The following C3orf62 variants were observed in gnomAD, a reference collection of about 807,000 sequenced individuals.
The protein encoded by C3orf62 is chromosome 3 open reading frame 62, also known as uncharacterized protein C3orf62.
A neutral mutation model predicts 21.7 loss-of-function variants in C3orf62; 16 were observed. The ratio of observed to expected loss-of-function variants is 0.74; its 90% CI spans 0.50 to 1.12. The LOEUF is 1.12. Ranked by LOEUF, C3orf62 falls within the 50% of genes most tolerant of loss-of-function variation. C3orf62 has a pLI of 0.00. For synonymous variants in C3orf62, 114 were observed against 117.0 expected (o/e 0.97, Z 0.17); for missense variants, 310 against 318.8 (o/e 0.97, Z 0.21).
chr3:49,269,697 C>G lies in C3orf62; in HGVS notation c.*1483G>C, dbSNP rs912605116. On this transcript the variant is annotated 3_prime_UTR_variant, in exon 3 of 3. Coordinates refer to ENST00000343010, the MANE Select transcript of C3orf62 (RefSeq NM_198562.3). ...ACTCCTGCCCCAGGCAGGGCAGTGG[C>G]AGTGGCCACAACTGGTTGGGAACCA... The G allele has an allele frequency of 3.9e-5, 6 of 152,292 alleles. No homozygotes were observed. Among genetic ancestry groups the G allele is most frequent in the African/African-American group, 1.2e-4 (5 of 41,464 alleles). The allele number at this position is 152,292 out of a possible 1,614,324, so 9.4% of individuals were successfully genotyped here. A position where few individuals can be genotyped will look rare whatever the true frequency, so the allele number is the denominator to read the frequency against.
In C3orf62 at chr3:49,276,904, C is replaced by T. The variant is rs749286864; in HGVS notation, c.-32G>A. On this transcript the variant is annotated 5_prime_UTR_variant, in exon 1 of 3. Coordinates refer to ENST00000343010, the MANE Select transcript of C3orf62 (RefSeq NM_198562.3). ...TGCACAGGACAACACAATAATGTTA[C>T]AAATGAGGCTGCAAACTACCCCTGA... 8 of 1,578,342 alleles carry T rather than the reference C, an allele frequency of 5.1e-6. No individual in the cohort carries two copies. Among genetic ancestry groups the T allele is most frequent in the Non-Finnish European group, 6.9e-6 (8 of 1,162,058 alleles).
intron 1 of C3orf62, among the ~76,000 whole-genome samples, chr3:49,274,726 ATGT>A (rs2046939065): frequency 6.6e-6 from 1 of 151,250 alleles, no homozygotes; most frequent in African/African-American, 2.4e-5. Context: ...GGGTTTCACC[ATGT>A]TGGCCAGGCT....
chr3:49,275,677 C>T (rs950164976), intron 1 of C3orf62, among the ~76,000 whole-genome samples: 2 of 151,300 alleles, frequency 1.3e-5, no homozygotes, highest in Non-Finnish European at 2.9e-5. Context: ...ACTACAGGCG[C>T]CCGCCACCAC....
rs534146492 is a variant in C3orf62, at chr3:49,270,589, T to A, written c.*591A>T. 6.5e-6 allele frequency: 1 copy of A among 152,764 alleles called. No individual in the cohort carries two copies. Among genetic ancestry groups the A allele is most frequent in the Non-Finnish European group, 1.5e-5 (1 of 68,452 alleles). The allele number at this position is 152,764 out of a possible 1,614,324, so 9.5% of individuals were successfully genotyped here. ...CTCAGGATGGAGGGGAGCGGTGCCA[T>A]CTCGGCTCATTGCAACCTCCGCCTC... is the stretch of plus-strand genomic sequence containing the variant. On this transcript the variant is annotated 3_prime_UTR_variant, in exon 3 of 3. Coordinates refer to ENST00000343010, the MANE Select transcript of C3orf62 (RefSeq NM_198562.3).
intron 2 of C3orf62, 69 bp from the exon 3 acceptor site, chr3:49,271,514 T>C: frequency 1.3e-6 from 2 of 1,524,844 alleles, no homozygotes; most frequent in Non-Finnish European, 1.8e-6. Context: ...AGGTGCAAGT[T>C]AAAAACCATG....
Position 49,270,952 on chromosome 3 carries a change from G to C in C3orf62, c.*228C>G. ...AAAAAAACACATTCAAGATGTCAAGGAAAGTTAAAAAAAAAAATCAGTAAT... is the reference window on the plus strand; with the variant it reads ...AAAAAAACACATTCAAGATGTCAAGCAAAGTTAAAAAAAAAAATCAGTAAT... On this transcript the variant is annotated 3_prime_UTR_variant, in exon 3 of 3. Transcript: ENST00000343010. 3.7e-6 allele frequency: 2 copies of C among 539,444 alleles called. No individual in the cohort carries two copies. Among genetic ancestry groups the C allele is most frequent in the Non-Finnish European group, 6.5e-6 (2 of 307,474 alleles). 33.4% of individuals were successfully genotyped at this position (539,444 alleles called of 1,614,324 possible). A position where few individuals can be genotyped will look rare whatever the true frequency, so the allele number is the denominator to read the frequency against.
chr3:49,276,305 T>C (rs2046959161), intron 1 of C3orf62, 122 bp downstream of exon 1: 1 of 907,782 alleles, frequency 1.1e-6, no homozygotes, highest in African/African-American at 1.7e-5. Flanking sequence ...CCAAATGCAG[T>C]CACAGAGCTG....
chr3:49,270,036 TAGTG>T lies in C3orf62; in HGVS notation c.*1140_*1143del. The T allele has an allele frequency of 6.6e-6, 1 of 152,238 alleles. No homozygotes were observed. The highest frequency in any genetic ancestry group is 6.5e-5 in the Admixed American group (1 of 15,282). The allele number at this position is 152,238 out of a possible 1,614,324, so 9.4% of individuals were successfully genotyped here. On this transcript the variant is annotated 3_prime_UTR_variant, in exon 3 of 3. Transcript: ENST00000343010. ...TAAACAGCCCTGGCTGGTCCAAAGG[TAGTG>T]AGTTATCTCAATCGACTACTCACAG...
intron 1 of C3orf62, 189 bp from the exon 2 acceptor site, chr3:49,274,329 CATA>C (rs1226623957): frequency 5.3e-6 from 3 of 566,728 alleles, no homozygotes; most frequent in African/African-American, 3.8e-5. Flanking sequence ...ACAGCTTTAC[CATA>C]ATGACTCACG....
intron 1 of C3orf62, among the ~76,000 whole-genome samples, chr3:49,275,535 T>TTG (rs2046949734): frequency 8.1e-6 from 1 of 124,222 alleles, no homozygotes; most frequent in South Asian, 3.0e-4. Context: ...TTTTTTTTTT[T>TTG]TTTTTTTTTT....
chr3:49,274,846 T>G (rs1302212744), intron 1 of C3orf62, among the ~76,000 whole-genome samples: 3 of 146,914 alleles, frequency 2.0e-5, no homozygotes, highest in Non-Finnish European at 4.5e-5. Flanking sequence ...AAAGACAGAG[T>G]CTTGCTCTTG....
Position 49,274,074 on chromosome 3 carries a change from G to A in C3orf62, c.513C>T (p.Val171=), listed in dbSNP as rs1338126522. The change falls in exon 2 of 3, where the codon GTC becomes GTT. Residue 171 remains valine, a synonymous_variant. Coordinates refer to ENST00000343010, the MANE Select transcript of C3orf62 (RefSeq NM_198562.3). ...NMPLNNSSQE[V]TKDLLDMIDH... Reference sequence around the variant, plus strand: ...CAATCATATCAAGCAGATCCTTTGTGACCTCTTGGCTAGAATTGTTGAGTG... The same window carrying A: ...CAATCATATCAAGCAGATCCTTTGTAACCTCTTGGCTAGAATTGTTGAGTG... 2 of 1,613,882 alleles carry A rather than the reference G, an allele frequency of 1.2e-6. No homozygotes were observed. Among genetic ancestry groups the A allele is most frequent in the Non-Finnish European group, 1.7e-6 (2 of 1,179,780 alleles).
chr3:49,275,518 A>AGTT (rs2046947244), intron 1 of C3orf62, among the ~76,000 whole-genome samples: 2 of 69,798 alleles, frequency 2.9e-5, no homozygotes, highest in Non-Finnish European at 5.6e-5. Context: ...AGAACTTTGA[A>AGTT]GTTTTTTTTT....
At chr3:49,273,837 G>C (rs2046931290) in intron 2 of C3orf62, among the ~76,000 whole-genome samples, 1 of 152,192 alleles carries the variant, frequency 6.6e-6, no homozygotes, top group South Asian at 2.1e-4. Flanking sequence ...TGTATTTTTA[G>C]TAGAGACGGG....
In C3orf62 at chr3:49,277,204, G is replaced by C; in HGVS notation, c.-332C>G. The C allele has an allele frequency of 2.2e-6, 3 of 1,345,242 alleles. No homozygotes were observed. Among genetic ancestry groups the C allele is most frequent in the Non-Finnish European group, 2.9e-6 (3 of 1,025,290 alleles). 83.3% of individuals were successfully genotyped at this position (1,345,242 alleles called of 1,614,324 possible). A position where few individuals can be genotyped will look rare whatever the true frequency, so the allele number is the denominator to read the frequency against. On this transcript the variant is annotated 5_prime_UTR_variant, in exon 1 of 3. Transcript: ENST00000343010. ...TCCTCACCCGCAGCGCAGTGACGCC[G>C]ACCCATCCAACGGTCATCGCATGCG...
chr3:49,276,754 T>C lies in C3orf62; in HGVS notation c.119A>G (p.Glu40Gly), dbSNP rs1308750519. ...RAFEGVSYSQECTGQQRLELS... is the reference protein window; with the variant it reads ...RAFEGVSYSQGCTGQQRLELS... ...TTCCAGCCTCTGCTGGCCTGTGCACTCCTGGGAATAACTAACTCCTTCAAA... is the reference window on the plus strand; with the variant it reads ...TTCCAGCCTCTGCTGGCCTGTGCACCCCTGGGAATAACTAACTCCTTCAAA... Residue 40 changes from glutamate to glycine, a missense_variant, in exon 1 of 3, where the codon GAG becomes GGG. Transcript: ENST00000343010. The C allele has an allele frequency of 3.1e-6, 5 of 1,614,108 alleles. No individual in the cohort carries two copies. Among genetic ancestry groups the C allele is most frequent in the Non-Finnish European group, 4.2e-6 (5 of 1,180,048 alleles).
Position 49,271,116 on chromosome 3 carries a change from C to A in C3orf62, c.*64G>T. On this transcript the variant is annotated 3_prime_UTR_variant, in exon 3 of 3. Transcript: ENST00000343010. ...ATGTGGCCCCTGACGGCCATTGTAG[C>A]TGCTTCTGCTCAGGCTCAAGGGCAG... 1 of 1,520,392 alleles carries A rather than the reference C, an allele frequency of 6.6e-7. No homozygotes were observed. The highest frequency in any genetic ancestry group is 8.9e-7 in the Non-Finnish European group (1 of 1,124,284). 94.2% of individuals were successfully genotyped at this position (1,520,392 alleles called of 1,614,324 possible). A position where few individuals can be genotyped will look rare whatever the true frequency, so the allele number is the denominator to read the frequency against.
chr3:49,272,178 TC>T (rs1019249425), intron 2 of C3orf62, among the ~76,000 whole-genome samples: 3 of 152,014 alleles, frequency 2.0e-5, no homozygotes. Context: ...CGGTTATACA[TC>T]CCTTTACTAG....
rs1227777502 is a variant in C3orf62 at position 49,277,094 on chromosome 3, GCCGCTGCCTCCCGCCCCA to G, written c.-240_-223del. On this transcript the variant is annotated 5_prime_UTR_variant, in exon 1 of 3. Transcript: ENST00000343010. ...TTCCCACAGCTTCCTGGCCCGCCCC[GCCGCTGCCTCCCGCCCCA>G]CCGCGGCTCCCAGGCCGCTGGCCCT... is the stretch of plus-strand genomic sequence containing the variant. 2.0e-6 allele frequency: 3 copies of G among 1,482,454 alleles called. No homozygotes were observed. Among genetic ancestry groups the G allele is most frequent in the African/African-American group, 1.4e-5 (1 of 71,788 alleles). 91.8% of individuals were successfully genotyped at this position (1,482,454 alleles called of 1,614,324 possible).
Sources: allele counts gnomAD v4.1 joint callset (sites outside exome capture counted in the v4.1 genomes callset), GRCh38; gene constraint gnomAD v4.1.1; transcripts MANE v1.5; gene names NCBI Gene and HGNC (gene_info 2026-07-23, HGNC 2026-07-21).